The following JAK1 variants were observed in gnomAD, a reference collection of about 807,000 sequenced individuals.
The protein encoded by JAK1 is tyrosine-protein kinase JAK1.
A neutral mutation model predicts 136.6 loss-of-function variants in JAK1; 16 were observed. The observed-to-expected ratio is 0.12, with a 90% CI of 0.08 to 0.18. The LOEUF is 0.18. Among genes scored for constraint, JAK1 ranks in the 10% least tolerant of loss-of-function variants. The pLI, the probability that JAK1 is intolerant of heterozygous loss-of-function variation, is 1.00. For synonymous variants in JAK1, 492 were observed against 519.5 expected, an observed-to-expected ratio of 0.95 and a Z score of 0.72; for missense variants, 859 against 1,450.1, an observed-to-expected ratio of 0.59 and a Z score of 6.62.
rs756495476 is a variant in JAK1, at chr1:64,864,984, C to T, written c.991-12G>A. On this transcript the variant is annotated splice_polypyrimidine_tract_variant and intron_variant, in intron 7 of 24. Transcript: ENST00000342505. Reference sequence around the variant, plus strand: ...TCAACAGAAACAACCTGATAAGATACATAAAAGGGACAGGGTTAAGTTGCT... The same window carrying T: ...TCAACAGAAACAACCTGATAAGATATATAAAAGGGACAGGGTTAAGTTGCT... The T allele has an allele frequency of 1.9e-6, 3 of 1,601,786 alleles. No individual in the cohort carries two copies. The highest frequency in any genetic ancestry group is 1.1e-5 in the South Asian group (1 of 90,280).
chr1:65,044,535 AC>A (rs1163574912), exon 2 of JAK1, among the ~76,000 whole-genome samples: 1 of 152,222 alleles, frequency 6.6e-6, no homozygotes, highest in East Asian at 1.9e-4. Flanking sequence ...AGTCAACGTG[AC>A]TTTTAAGTGA....
chr1:65,051,077 T>G (rs1404993901), intron 1 of JAK1, among the ~76,000 whole-genome samples: 1 of 152,198 alleles, frequency 6.6e-6, no homozygotes, highest in Non-Finnish European at 1.5e-5. Context: ...TTACTTAAAA[T>G]TCTACCTGTA....
chr1:64,929,781 A>C (rs958563164), intron 1 of JAK1, among the ~76,000 whole-genome samples: 4 of 152,222 alleles, frequency 2.6e-5, no homozygotes, highest in Admixed American at 2.0e-4. Flanking sequence ...ACTTCAAACT[A>C]TACTACAAGG....
chr1:65,011,014 T>C (rs1313085403), intron 2 of JAK1, among the ~76,000 whole-genome samples: 1 of 152,244 alleles, frequency 6.6e-6, no homozygotes, highest in African/African-American at 2.4e-5. Flanking sequence ...GATATGTTTA[T>C]ATTCACAACT....
intron 1 of JAK1, among the ~76,000 whole-genome samples, chr1:64,933,357 C>T (rs144845926): frequency 0.018 from 2,728 of 152,284 alleles, 76 homozygotes; most frequent in African/African-American, 0.062. Flanking sequence ...TCCAGCTCAG[C>T]GAAACTATTC....
chr1:64,878,563 A>ATGTATG, intron 4 of JAK1, among the ~76,000 whole-genome samples: 1 of 10,882 alleles, frequency 9.2e-5, no homozygotes, highest in East Asian at 3.1e-3. Flanking sequence ...TATAGTGTGT[A>ATGTATG]TATATATATA....
chr1:64,842,684 G>A (rs1363043227), intron 17 of JAK1, among the ~76,000 whole-genome samples: 2 of 152,144 alleles, frequency 1.3e-5, no homozygotes. Flanking sequence ...CCCAGGGTAC[G>A]CAGCACGTGC....
At chr1:64,925,408 T>A (rs956190863) in intron 1 of JAK1, among the ~76,000 whole-genome samples, 12 of 151,076 alleles carry the variant, frequency 7.9e-5, no homozygotes, top group African/African-American at 2.4e-4. Flanking sequence ...AAAAAAAAAA[T>A]TTTTGCTCTA....
intron 2 of JAK1, chr1:64,990,954 A>G (rs562854285): frequency 0.04 from 5,969 of 150,768 alleles, 177 homozygotes; most frequent in Non-Finnish European, 0.06. Context: ...AGAAGAAAAA[A>G]AAAAAGAAAA....
chr1:64,892,244 G>A (rs1644948396), intron 1 of JAK1, among the ~76,000 whole-genome samples: 1 of 152,178 alleles, frequency 6.6e-6, no homozygotes, highest in Non-Finnish European at 1.5e-5. Context: ...AAACATGGCG[G>A]GGTGGGGAGA....
chr1:65,038,453 C>A (rs901105106), intron 2 of JAK1, among the ~76,000 whole-genome samples: 3 of 152,076 alleles, frequency 2.0e-5, no homozygotes, highest in African/African-American at 7.2e-5. Context: ...CCCGCCTCGG[C>A]CTCCCAAAGT....
intron 1 of JAK1, among the ~76,000 whole-genome samples, chr1:64,933,727 T>C (rs61784747): frequency 0.062 from 9,455 of 152,266 alleles, 445 homozygotes; most frequent in South Asian, 0.11. Context: ...GACAAAGATG[T>C]AGCGTATAAA....
chr1:64,982,990 G>T (rs1022289076), intron 2 of JAK1, among the ~76,000 whole-genome samples: 1 of 152,096 alleles, frequency 6.6e-6, no homozygotes, highest in Non-Finnish European at 1.5e-5. Context: ...ACTGCTATGT[G>T]CATTTTTATT....
At chr1:64,938,440 A>G (rs1049355291) in intron 1 of JAK1, among the ~76,000 whole-genome samples, 1 of 152,106 alleles carries the variant, frequency 6.6e-6, no homozygotes, top group African/African-American at 2.4e-5. Flanking sequence ...ACTTGTCTGA[A>G]CTCTTGATTC....
At chr1:65,048,763 G>GTAGCGTCGTCCCTTTGC (rs1404922519) in intron 1 of JAK1, among the ~76,000 whole-genome samples, 5 of 152,200 alleles carry the variant, frequency 3.3e-5, no homozygotes, top group African/African-American at 1.2e-4. Context: ...AGACACCTCT[G>GTAGCGTCGTCCCTTTGC]TAGCGTCGTC....
At chr1:64,960,827 T>C (rs1376742019) in intron 1 of JAK1, among the ~76,000 whole-genome samples, 2 of 152,232 alleles carry the variant, frequency 1.3e-5, no homozygotes, top group Non-Finnish European at 2.9e-5. Context: ...GAACTTTCAC[T>C]TCATTTATGC....
chr1:64,932,654 T>C (rs572422723), intron 1 of JAK1, among the ~76,000 whole-genome samples: 4 of 152,320 alleles, frequency 2.6e-5, no homozygotes, highest in African/African-American at 9.6e-5. Context: ...CCTGCAAAGA[T>C]AGTACACAGA....
intron 2 of JAK1, among the ~76,000 whole-genome samples, chr1:65,040,543 A>T (rs1647121740): frequency 6.6e-6 from 1 of 152,134 alleles, no homozygotes; most frequent in African/African-American, 2.4e-5. Flanking sequence ...CTGGCATTTA[A>T]CATAACGTGT....
At chr1:64,970,711 C>CCTAG (rs1354063442), upstream of JAK1, among the ~76,000 whole-genome samples, 1 of 151,422 alleles carries the variant, frequency 6.6e-6, no homozygotes, top group Non-Finnish European at 1.5e-5. Context: ...TTGCAGTGAG[C>CCTAG]CTAGAGCACA....
Sources: allele counts gnomAD v4.1 joint callset (sites outside exome capture counted in the v4.1 genomes callset), GRCh38; gene constraint gnomAD v4.1.1; transcripts MANE v1.5; gene names NCBI Gene and HGNC (gene_info 2026-07-23, HGNC 2026-07-21).